Variants in ATP8A2 observed in about 807,000 individuals in gnomAD.
The protein encoded by ATP8A2 is phospholipid-transporting ATPase IB.
ATP8A2 carries 100 observed loss-of-function variants against 165.6 expected under a neutral mutation model. The ratio of observed to expected loss-of-function variants is 0.60; its 90% CI spans 0.51 to 0.71. The LOEUF is 0.71. Ranked by LOEUF, ATP8A2 falls within the 30% of genes least tolerant of loss-of-function variation. The pLI is 0.00. For synonymous variants in ATP8A2, 543 were observed against 548.8 expected (o/e 0.99, Z 0.15); for missense variants, 1,227 against 1,479.5 (o/e 0.83, Z 2.80).
At chr13:25,399,072 TCCCAGAAGGC>T (rs945844830) in intron 1 of ATP8A2, among the ~76,000 whole-genome samples, 32 of 152,244 alleles carry the variant, frequency 2.1e-4, no homozygotes, top group African/African-American at 7.7e-4. Context: ...AGAAGCACGA[TCCCAGAAGGC>T]AGGACCTGGG....
chr13:25,594,106 G>A (rs2138325648), intron 24 of ATP8A2, among the ~76,000 whole-genome samples: 1 of 152,216 alleles, frequency 6.6e-6, no homozygotes, highest in African/African-American at 2.4e-5. Flanking sequence ...TGAAATTGTA[G>A]GAATTAATGA....
chr13:25,980,641 C>G (rs1956156062), intron 35 of ATP8A2, among the ~76,000 whole-genome samples: 1 of 152,132 alleles, frequency 6.6e-6, no homozygotes, highest in South Asian at 2.1e-4. Context: ...ATACATGACA[C>G]AAATTTTTAG....
intron 1 of ATP8A2, among the ~76,000 whole-genome samples, chr13:25,452,971 G>A (rs1453963680): frequency 1.3e-5 from 2 of 150,946 alleles, no homozygotes; most frequent in Non-Finnish European, 3.0e-5. Flanking sequence ...GGTGGGCGCC[G>A]GTAATTCCAG....
At chr13:25,509,715 T>C (rs756211409) in intron 2 of ATP8A2, among the ~76,000 whole-genome samples, 1 of 152,234 alleles carries the variant, frequency 6.6e-6, no homozygotes, top group Non-Finnish European at 1.5e-5. Flanking sequence ...CAAAATTTAA[T>C]ATTCTCCTTC....
Position 25,823,030 on chromosome 13 carries a change from T to C in ATP8A2, c.2680-5088T>C, listed in dbSNP as rs150432833. Among the ~76,000 whole-genome samples the C allele has an allele frequency of 7.2e-3, 1,098 of 152,314 alleles. 11 individuals carry two copies. Among genetic ancestry groups the C allele is most frequent in the African/African-American group, 0.025 (1,057 of 41,562 alleles). Reference sequence around the variant, plus strand: ...CAAATGCTGTTGACATAATTGCTGATATTTAGGTGCAAAATAATAAAGCTG... The same window carrying C: ...CAAATGCTGTTGACATAATTGCTGACATTTAGGTGCAAAATAATAAAGCTG... On this transcript the variant is annotated intron_variant, in intron 27 of 36. Transcript: ENST00000381655.
chr13:25,901,853 C>T (rs1316140212), intron 33 of ATP8A2, among the ~76,000 whole-genome samples: 1 of 152,236 alleles, frequency 6.6e-6, no homozygotes, highest in Non-Finnish European at 1.5e-5. Flanking sequence ...ATTCTGACAA[C>T]AGATCCTCAC....
At chr13:25,961,302 A>G (rs543816363) in intron 33 of ATP8A2, among the ~76,000 whole-genome samples, 6 of 152,318 alleles carry the variant, frequency 3.9e-5, no homozygotes, top group African/African-American at 1.4e-4. Flanking sequence ...ATTTAAGACA[A>G]CATCCTGTTC....
chr13:25,785,494 G>A (rs1039420763), intron 27 of ATP8A2, among the ~76,000 whole-genome samples: 3 of 152,024 alleles, frequency 2.0e-5, no homozygotes, highest in African/African-American at 7.2e-5. Context: ...TACCAATTAG[G>A]TTTTTCCTTG....
At chr13:25,686,452 T>C (rs1029458200) in intron 24 of ATP8A2, among the ~76,000 whole-genome samples, 5 of 152,036 alleles carry the variant, frequency 3.3e-5, no homozygotes, top group Admixed American at 1.3e-4. Flanking sequence ...TGACACTCAG[T>C]ATCCCAGTAT....
rs1325570856 is a variant in ATP8A2 at position 25,510,730 on chromosome 13, G to A, written c.222-19269G>A. On this transcript the variant is annotated intron_variant, in intron 2 of 36. Transcript: ENST00000381655. ...AGTTACTAGCTCTTTTGTGGTGGAA[G>A]CAGTATAGAAACAAACTGGGTCTTT... Among the ~76,000 whole-genome samples the A allele has an allele frequency of 2.0e-5, 3 of 152,130 alleles. No homozygotes were observed. In the East Asian group the frequency reaches 5.8e-4, roughly 29 times the overall value.
intron 27 of ATP8A2, among the ~76,000 whole-genome samples, chr13:25,811,292 A>C (rs1301854428): frequency 3.3e-5 from 5 of 152,254 alleles, no homozygotes; most frequent in Non-Finnish European, 7.3e-5. Flanking sequence ...AATATAATCC[A>C]AATGTCAATG....
At chr13:25,939,158 AT>A (rs1196456910) in intron 33 of ATP8A2, among the ~76,000 whole-genome samples, 3 of 151,890 alleles carry the variant, frequency 2.0e-5, no homozygotes, top group African/African-American at 7.3e-5. Context: ...CTTTCCTTTG[AT>A]TGCCTCATGG....
At chr13:25,575,766 G>A (rs2039598942) in intron 19 of ATP8A2, among the ~76,000 whole-genome samples, 2 of 152,204 alleles carry the variant, frequency 1.3e-5, no homozygotes, top group East Asian at 1.9e-4. Flanking sequence ...GTGTCCCTGC[G>A]TGTGGAGGTG....
chr13:25,962,169 C>G (rs1436049138), intron 34 of ATP8A2, among the ~76,000 whole-genome samples: 1 of 152,134 alleles, frequency 6.6e-6, no homozygotes, highest in Non-Finnish European at 1.5e-5. Context: ...GAAAGTATAA[C>G]TCAAAACTCA....
intron 27 of ATP8A2, among the ~76,000 whole-genome samples, chr13:25,814,676 C>G (rs1181187817): frequency 6.7e-6 from 1 of 148,672 alleles, no homozygotes; most frequent in African/African-American, 2.5e-5. Context: ...ACTGGATATC[C>G]AGATGCAAAA....
chr13:25,466,953 C>T (rs2035684802), intron 1 of ATP8A2, among the ~76,000 whole-genome samples: 1 of 152,234 alleles, frequency 6.6e-6, no homozygotes, highest in Non-Finnish European at 1.5e-5. Context: ...TCCATATAGG[C>T]TAGCTTCAAA....
At chr13:25,413,529 G>T (rs1217531492) in intron 1 of ATP8A2, among the ~76,000 whole-genome samples, 1 of 151,996 alleles carries the variant, frequency 6.6e-6, no homozygotes, top group Non-Finnish European at 1.5e-5. Flanking sequence ...TGATCTGCCC[G>T]CCTTGGCCTC....
intron 27 of ATP8A2, among the ~76,000 whole-genome samples, chr13:25,808,234 A>G (rs971632190): frequency 6.0e-5 from 9 of 151,016 alleles, no homozygotes; most frequent in Admixed American, 2.0e-4. Context: ...GGCTCAAGTG[A>G]TTCTCCCACT....
At chr13:25,962,300 C>G (rs1185374151) in intron 34 of ATP8A2, among the ~76,000 whole-genome samples, 2 of 152,062 alleles carry the variant, frequency 1.3e-5, no homozygotes, top group African/African-American at 4.8e-5. Flanking sequence ...ATGAAGTACT[C>G]TTCATTTTTC....
Sources: gnomAD v4.1 joint callset for allele counts (sites outside exome capture counted in the v4.1 genomes callset) on GRCh38, gnomAD v4.1.1 for gene constraint, MANE v1.5 for transcripts, NCBI Gene and HGNC (gene_info 2026-07-23, HGNC 2026-07-21) for gene names.